The following UCHL3 variants were observed in gnomAD, a reference collection of about 807,000 sequenced individuals.
UCHL3 encodes the protein ubiquitin carboxyl-terminal hydrolase isozyme L3.
In UCHL3, 22 loss-of-function variants were observed where a neutral mutation model predicts 35.8. The observed-to-expected ratio is 0.61, with a 90% CI of 0.44 to 0.88. UCHL3 has a LOEUF of 0.88. Among genes scored for constraint, UCHL3 ranks in the 40% least tolerant of loss-of-function variants. UCHL3 has a pLI of 0.00. For missense variants in UCHL3, 229 were observed against 276.9 expected (o/e 0.83, Z 1.23); for synonymous variants, 90 against 92.8 (o/e 0.97, Z 0.17).
chr13:75,598,474 T>G (rs754080767), intron 7 of UCHL3, among the ~76,000 whole-genome samples: 1 of 152,218 alleles, frequency 6.6e-6, no homozygotes, highest in Non-Finnish European at 1.5e-5. Flanking sequence ...GATTATGTGT[T>G]GAATTTGTCA....
At chr13:75,566,316 G>A (rs1435869978) in intron 3 of UCHL3, among the ~76,000 whole-genome samples, 3 of 152,184 alleles carry the variant, frequency 2.0e-5, no homozygotes, top group African/African-American at 4.8e-5. Context: ...ATTCTATTAC[G>A]ATATGCCATA....
At chr13:75,568,487 A>G (rs756683677) in intron 5 of UCHL3, among the ~76,000 whole-genome samples, 13 of 151,688 alleles carry the variant, frequency 8.6e-5, no homozygotes, top group Non-Finnish European at 1.3e-4. Context: ...ATATATATAT[A>G]CACAATTTTT....
intron 7 of UCHL3, among the ~76,000 whole-genome samples, chr13:75,601,143 A>T (rs1357855728): frequency 6.6e-6 from 1 of 152,246 alleles, no homozygotes; most frequent in Non-Finnish European, 1.5e-5. Context: ...CTTCTTAAAG[A>T]TGAGCAAATA....
intron 7 of UCHL3, among the ~76,000 whole-genome samples, chr13:75,602,323 G>A (rs1037333401): frequency 3.3e-5 from 5 of 152,082 alleles, no homozygotes; most frequent in South Asian, 2.1e-4. Flanking sequence ...CCTTTCTCTG[G>A]GGGCTTGTGA....
intron 3 of UCHL3, among the ~76,000 whole-genome samples, chr13:75,561,808 CATACGT>C (rs2031511942): frequency 3.2e-5 from 1 of 31,540 alleles, no homozygotes; most frequent in Non-Finnish European, 1.4e-4. Flanking sequence ...TATACGTATA[CATACGT>C]ATACGTATAT....
intron 7 of UCHL3, among the ~76,000 whole-genome samples, chr13:75,603,097 C>T (rs973182301): frequency 6.6e-6 from 1 of 152,060 alleles, no homozygotes; most frequent in African/African-American, 2.4e-5. Flanking sequence ...TCAAGTGATC[C>T]TCCTGCCTCA....
At chr13:75,571,071 T>C (rs2031841222) in intron 6 of UCHL3, among the ~76,000 whole-genome samples, 1 of 152,220 alleles carries the variant, frequency 6.6e-6, no homozygotes, top group Non-Finnish European at 1.5e-5. Flanking sequence ...TGTATTGCTT[T>C]ATATGATCCT....
chr13:75,596,031 C>T (rs9318360), intron 7 of UCHL3, among the ~76,000 whole-genome samples: 18,738 of 152,024 alleles, frequency 0.12, 1,449 homozygotes, highest in Middle Eastern at 0.29. Flanking sequence ...GTTCTATTAC[C>T]TCTCATTTGC....
intron 3 of UCHL3, 63 bp from the exon 4 acceptor site, chr13:75,566,632 C>T (rs578012109): frequency 3.8e-6 from 4 of 1,059,318 alleles, no homozygotes; most frequent in East Asian, 6.2e-5. Flanking sequence ...TTTTCTTTTA[C>T]AGACTGAGTT....
intron 6 of UCHL3, among the ~76,000 whole-genome samples, chr13:75,592,415 CATATATATATATATATATAT>C (rs546657200): frequency 4.2e-4 from 17 of 40,652 alleles, no homozygotes; most frequent in East Asian, 1.4e-3. Flanking sequence ...ATTTTTCCTT[CATATATATATATATATATAT>C]ATATATATAT....
chr13:75,559,937 G>T (rs928337702), intron 2 of UCHL3, among the ~76,000 whole-genome samples: 1 of 152,024 alleles, frequency 6.6e-6, no homozygotes, highest in East Asian at 1.9e-4. Flanking sequence ...GATAGATTAA[G>T]GTCTGACATT....
intron 6 of UCHL3, among the ~76,000 whole-genome samples, chr13:75,585,668 AAATC>A (rs980365667): frequency 6.6e-6 from 1 of 152,136 alleles, no homozygotes; most frequent in African/African-American, 2.4e-5. Context: ...TAGGATTACT[AAATC>A]AAAGATAGCA....
chr13:75,602,111 A>AAAAAAAC (rs2032796084), intron 7 of UCHL3, among the ~76,000 whole-genome samples: 1 of 151,856 alleles, frequency 6.6e-6, no homozygotes, highest in South Asian at 2.1e-4. Context: ...TCTGTCTCAA[A>AAAAAAAC]AAAAACAAAA....
intron 8 of UCHL3, 51 bp downstream of exon 8, chr13:75,604,878 A>G: frequency 6.8e-7 from 1 of 1,463,106 alleles, no homozygotes; most frequent in Non-Finnish European, 9.4e-7. Flanking sequence ...GTCATCTTTA[A>G]AACATCTCTA....
chr13:75,592,429 T>TGTATATACGTATATAC lies in UCHL3; in HGVS notation c.475-2486_475-2485insGTATATACGTATATAC, dbSNP rs777910997. 6.4e-3 allele frequency among the ~76,000 whole-genome samples: 545 copies of TGTATATACGTATATAC among 85,504 alleles called. 16 individuals carry two copies. The highest frequency in any genetic ancestry group is 0.01 in the Non-Finnish European group (435 of 42,004). 56.1% of individuals were successfully genotyped at this position (85,504 alleles called of 152,430 possible). ...AATTTTTCCTTCATATATATATATA[T>TGTATATACGTATATAC]ATATATATATATATATATATATATA... On this transcript the variant is annotated intron_variant, in intron 6 of 8. Coordinates refer to ENST00000377595, the MANE Select transcript of UCHL3 (RefSeq NM_006002.5).
chr13:75,566,636 C>G, intron 3 of UCHL3, 59 bp from the exon 4 acceptor site: 1 of 1,094,810 alleles, frequency 9.1e-7, no homozygotes, highest in Non-Finnish European at 1.2e-6. Flanking sequence ...CTTTTACAGA[C>G]TGAGTTTTTT....
At chr13:75,591,528 TA>T (rs1195536870) in intron 6 of UCHL3, among the ~76,000 whole-genome samples, 1 of 152,184 alleles carries the variant, frequency 6.6e-6, no homozygotes, top group Non-Finnish European at 1.5e-5. Context: ...GTTCCAAATA[TA>T]AATGAACATA....
intron 6 of UCHL3, among the ~76,000 whole-genome samples, chr13:75,572,398 G>A (rs2031888990): frequency 6.6e-6 from 1 of 152,106 alleles, no homozygotes; most frequent in African/African-American, 2.4e-5. Context: ...AAATTAGGAT[G>A]TATCTTACAG....
intron 2 of UCHL3, among the ~76,000 whole-genome samples, chr13:75,553,167 C>A (rs1158547250): frequency 6.6e-6 from 1 of 152,120 alleles, no homozygotes; most frequent in African/African-American, 2.4e-5. Flanking sequence ...TTAGTAGATA[C>A]CATTTTAGGA....
Sources: gnomAD v4.1 joint callset for allele counts (sites outside exome capture counted in the v4.1 genomes callset) on GRCh38, gnomAD v4.1.1 for gene constraint, MANE v1.5 for transcripts, NCBI Gene and HGNC (gene_info 2026-07-23, HGNC 2026-07-21) for gene names.